The following NBAS variants were observed in gnomAD, a reference collection of about 807,000 sequenced individuals.
The protein encoded by NBAS is NBAS subunit of NRZ tethering complex.
NBAS carries 219 observed loss-of-function variants against 302.5 expected under a neutral mutation model. The ratio of observed to expected loss-of-function variants is 0.72; its 90% CI spans 0.65 to 0.81. The LOEUF (loss-of-function observed/expected upper bound fraction) is 0.81. Ranked by LOEUF, NBAS falls within the 30% of genes least tolerant of loss-of-function variation. The pLI, the probability that NBAS is intolerant of heterozygous loss-of-function variation, is 0.00. For missense variants in NBAS, 2,932 were observed against 2,841.6 expected (o/e 1.03, Z -0.72); for synonymous variants, 1,118 against 1,021.6 (o/e 1.09, Z -1.80).
chr2:15,023,522 A>G, the NBAS span, among the ~76,000 whole-genome samples: 1 of 151,794 alleles, frequency 6.6e-6, no homozygotes, highest in African/African-American at 2.4e-5. Context: ...TAAAAAGGTT[A>G]TAACTTTTGA....
At chr2:15,288,930 CTTTTGT>C (rs931824336) in intron 41 of NBAS, among the ~76,000 whole-genome samples, 4 of 152,174 alleles carry the variant, frequency 2.6e-5, no homozygotes, top group East Asian at 1.9e-4. Context: ...CTTTTTATGG[CTTTTGT>C]TTTTGTTTTT....
intron 25 of NBAS, among the ~76,000 whole-genome samples, chr2:15,411,241 C>T (rs1382520196): frequency 6.6e-6 from 1 of 152,110 alleles, no homozygotes; most frequent in African/African-American, 2.4e-5. Flanking sequence ...TTAAAGACTT[C>T]ACCTTCTATC....
At chr2:15,200,530 G>A (rs182453720) in intron 48 of NBAS, among the ~76,000 whole-genome samples, 1 of 152,088 alleles carries the variant, frequency 6.6e-6, no homozygotes, top group Non-Finnish European at 1.5e-5. Flanking sequence ...CAAAATCCTG[G>A]AGGTGAAAAC....
chr2:15,222,030 A>C (rs917922770), intron 47 of NBAS, among the ~76,000 whole-genome samples: 5 of 152,256 alleles, frequency 3.3e-5, no homozygotes, highest in Admixed American at 1.3e-4. Flanking sequence ...TTGGAGATGG[A>C]TAACAACACT....
the NBAS span, among the ~76,000 whole-genome samples, chr2:15,065,372 C>T: frequency 2.6e-5 from 4 of 152,098 alleles, no homozygotes; most frequent in African/African-American, 9.7e-5. Flanking sequence ...AGCACTTCTA[C>T]TCAACATAGT....
the NBAS span, among the ~76,000 whole-genome samples, chr2:15,024,018 T>C: frequency 1.3e-5 from 2 of 152,092 alleles, no homozygotes; most frequent in African/African-American, 4.8e-5. Flanking sequence ...AGGTTTGTTA[T>C]ATAGGTAAAC....
the NBAS span, among the ~76,000 whole-genome samples, chr2:14,898,137 C>G: frequency 6.6e-6 from 1 of 152,182 alleles, no homozygotes; most frequent in Admixed American, 6.5e-5. Context: ...GCTTATATTT[C>G]TTATAAACTA....
the NBAS span, among the ~76,000 whole-genome samples, chr2:14,843,940 G>T: frequency 6.6e-6 from 1 of 151,990 alleles, no homozygotes; most frequent in African/African-American, 2.4e-5. Context: ...AAAGCCTCGG[G>T]CCCTAAATTA....
the NBAS span, among the ~76,000 whole-genome samples, chr2:15,100,512 A>C: frequency 6.6e-6 from 1 of 152,204 alleles, no homozygotes; most frequent in Non-Finnish European, 1.5e-5. Context: ...AGACTTCATT[A>C]ATGATAAGTG....
At chr2:15,416,248 A>G (rs931794994) in intron 24 of NBAS, among the ~76,000 whole-genome samples, 3 of 152,186 alleles carry the variant, frequency 2.0e-5, no homozygotes, top group African/African-American at 4.8e-5. Context: ...TTCATCTATA[A>G]AAGTCAGGAA....
Position 15,330,708 on chromosome 2 carries a change from T to C in NBAS, c.4237A>G (p.Thr1413Ala), listed in dbSNP as rs752200329. 25 of 1,613,954 alleles carry C rather than the reference T, an allele frequency of 1.5e-5. No individual in the cohort carries two copies. Among genetic ancestry groups the C allele is most frequent in the Non-Finnish European group, 2.0e-5 (24 of 1,179,964 alleles). ...SADLLRWTTA[T>A]TMKVLSNTTT... is the part of the protein sequence containing the mutation. ...GTGTTGGAAAGGACTTTCATGGTGG[T>C]AGCAGTGGTCCAGCGCAATAGGTCA... is the stretch of plus-strand genomic sequence containing the variant. The change falls in exon 36 of 52, where the codon ACC becomes GCC. Residue 1413 changes from threonine to alanine, a missense_variant. Transcript: ENST00000281513.
chr2:15,194,542 T>C (rs971240849), intron 48 of NBAS, among the ~76,000 whole-genome samples: 2 of 152,130 alleles, frequency 1.3e-5, no homozygotes, highest in Non-Finnish European at 2.9e-5. Flanking sequence ...TCATCTTAAA[T>C]ACTGGCTAAA....
the NBAS span, among the ~76,000 whole-genome samples, chr2:15,072,117 T>G: frequency 6.6e-6 from 1 of 152,238 alleles, no homozygotes; most frequent in African/African-American, 2.4e-5. Flanking sequence ...ATTTTCTCAT[T>G]ACTTTCCAAA....
the NBAS span, among the ~76,000 whole-genome samples, chr2:14,866,312 A>T: frequency 6.6e-6 from 1 of 152,092 alleles, no homozygotes; most frequent in East Asian, 1.9e-4. Context: ...ATAAAGACCA[A>T]CCCATGTTCT....
chr2:14,789,605 A>G, the NBAS span, among the ~76,000 whole-genome samples: 1 of 152,238 alleles, frequency 6.6e-6, no homozygotes, highest in Non-Finnish European at 1.5e-5. Flanking sequence ...TTACCTTGCA[A>G]TCATTCATAC....
At chr2:15,084,749 C>A in the NBAS span, among the ~76,000 whole-genome samples, 1 of 152,122 alleles carries the variant, frequency 6.6e-6, no homozygotes, top group Non-Finnish European at 1.5e-5. Flanking sequence ...CTTCCCTCCC[C>A]CTTTTCAAAG....
chr2:15,318,266 C>T (rs991840354), intron 38 of NBAS, among the ~76,000 whole-genome samples: 1 of 152,196 alleles, frequency 6.6e-6, no homozygotes, highest in African/African-American at 2.4e-5. Context: ...TGGAAAGGAA[C>T]AACTGGTATC....
the NBAS span, among the ~76,000 whole-genome samples, chr2:14,802,510 C>T: frequency 0.57 from 86,134 of 151,480 alleles, 26,881 homozygotes; most frequent in African/African-American, 0.85. Flanking sequence ...ATGCAGGCTC[C>T]TTTTTGGTTC....
At chr2:15,368,760 G>A (rs1674343522) in intron 31 of NBAS, among the ~76,000 whole-genome samples, 1 of 152,138 alleles carries the variant, frequency 6.6e-6, no homozygotes, top group Non-Finnish European at 1.5e-5. Flanking sequence ...AATGTGAGTG[G>A]AAATGACATA....
Sources: gnomAD v4.1 joint callset for allele counts (sites outside exome capture counted in the v4.1 genomes callset) on GRCh38, gnomAD v4.1.1 for gene constraint, MANE v1.5 for transcripts, NCBI Gene and HGNC (gene_info 2026-07-23, HGNC 2026-07-21) for gene names.